Variants in EXOC3L1 observed in about 807,000 individuals in gnomAD.
The protein encoded by EXOC3L1 is exocyst complex component 3-like protein.
A neutral mutation model predicts 83.6 loss-of-function variants in EXOC3L1; 79 were observed. That is an observed-to-expected ratio of 0.95 (90% CI 0.79 to 1.14). The LOEUF is 1.14. EXOC3L1 is among the 50% of genes most tolerant of loss of function. The pLI is 0.00. For synonymous variants in EXOC3L1, 433 were observed against 451.2 expected (o/e 0.96, Z 0.51); for missense variants, 945 against 972.0 (o/e 0.97, Z 0.37).
chr16:67,184,775 C>G lies in EXOC3L1; in HGVS notation c.1941G>C (p.Leu647=). The change falls in exon 13 of 14, where the codon CTG becomes CTC. Residue 647 remains leucine, a synonymous_variant. Transcript: ENST00000314586. ...LEENAHCAPV[L]LALRELLNLR... is the part of the protein sequence containing the mutation. ...GGTTTAGCAGCTCCCTCAGGGCGAG[C>G]AGCACCGGCGCGCAGTGCGCGTTCT... The G allele has an allele frequency of 6.3e-7, 1 of 1,598,782 alleles. No homozygotes were observed. The highest frequency in any genetic ancestry group is 1.1e-5 in the South Asian group (1 of 90,820).
Position 67,186,838 on chromosome 16 carries a change from G to C in EXOC3L1, c.1205C>G (p.Ala402Gly), listed in dbSNP as rs138835488. 1.1e-3 allele frequency: 1,768 copies of C among 1,613,550 alleles called. 1 individual carries two copies. The highest frequency in any genetic ancestry group is 1.4e-3 in the Non-Finnish European group (1,609 of 1,179,980). Reference sequence around the variant, plus strand: ...GGGCCCATGCTCCCGGCCCCACTCAGCTACCTCCCCATCCAGTGCATTCTG... The same window carrying C: ...GGGCCCATGCTCCCGGCCCCACTCACCTACCTCCCCATCCAGTGCATTCTG... The part of the protein sequence containing the change: ...WLQNALDGEV[A>G]EWGREHGPNT... The change falls in exon 7 of 14, where the codon GCT becomes GGT. Residue 402 changes from alanine to glycine, a missense_variant. By Grantham distance (60) the Ala-to-Gly change is moderately conservative (BLOSUM62 0). Transcript: ENST00000314586.
In EXOC3L1 at chr16:67,187,857, G is replaced by T. The variant is rs370940285; in HGVS notation, c.428-20C>A. 364 of 1,555,822 alleles carry T rather than the reference G, an allele frequency of 2.3e-4. No homozygotes were observed. Among genetic ancestry groups the T allele is most frequent in the Middle Eastern group, 1.7e-4 (1 of 5,776 alleles). Reference sequence around the variant, plus strand: ...CCGGCACTAATGAGAGTGAAAAGGAGACGGCCCTGGGTCTCAGCCTTCCCA... The same window carrying T: ...CCGGCACTAATGAGAGTGAAAAGGATACGGCCCTGGGTCTCAGCCTTCCCA... On this transcript the variant is annotated intron_variant, in intron 4 of 13. Coordinates refer to ENST00000314586, the MANE Select transcript of EXOC3L1 (RefSeq NM_178516.4).
In EXOC3L1 at chr16:67,188,784, C is replaced by T; in HGVS notation, c.364G>A (p.Glu122Lys). The change falls in exon 4 of 14, where the codon GAG (glutamate) becomes AAG (lysine). Residue 122 changes from glutamate to lysine, a missense_variant. Glu to Lys is a moderately conservative substitution (Grantham distance 56). Coordinates refer to ENST00000314586, the MANE Select transcript of EXOC3L1 (RefSeq NM_178516.4). ...QALQTLEPLR[E>K]RVAQHKQLQA... The stretch of plus-strand genomic sequence containing the variant: ...AGTTGCTTGTGCTGGGCAACCCGCT[C>T]CCGTAGGGGCTCTAGAGTCTGTAAG... 6.2e-7 allele frequency: 1 copy of T among 1,613,234 alleles called. No homozygotes were observed. The highest frequency in any genetic ancestry group is 8.5e-7 in the Non-Finnish European group (1 of 1,179,974).
At position 67,187,728 on chromosome 16, in the gene EXOC3L1, G is replaced by T; in HGVS notation, c.537C>A (p.Pro179=). 6.2e-7 allele frequency: 1 copy of T among 1,613,042 alleles called. No homozygotes were observed. The highest frequency in any genetic ancestry group is 8.5e-7 in the Non-Finnish European group (1 of 1,180,016). ...LEQLREDTWA[P]LGGLELPVFQ... ...AGACTGGCAACTCCAGGCCCCCCAG[G>T]GGTGCCCACGTATCCTCTCGCAGCT... Residue 179 remains proline (P), a synonymous_variant, in exon 5 of 14, where the codon CCC becomes CCA. Transcript: ENST00000314586.
Position 67,189,029 on chromosome 16 carries a change from C to T in EXOC3L1, c.198G>A (p.Ser66=), listed in dbSNP as rs1271977023. Residue 66 remains serine (S), a synonymous_variant, in exon 3 of 14, where the codon TCG becomes TCA. Coordinates refer to ENST00000314586, the MANE Select transcript of EXOC3L1 (RefSeq NM_178516.4). ...REVQRTCSLE[S]RLKSVMQSYL... ...CCTGCCCCATGCCCACCTTGAGGCG[C>T]GATTCCAGGGAGCAGGTACGCTGCA... 21 of 1,603,918 alleles carry T rather than the reference C, an allele frequency of 1.3e-5. No homozygotes were observed. Among genetic ancestry groups the T allele is most frequent in the African/African-American group, 2.7e-5 (2 of 74,754 alleles).
rs780159172 is a variant in EXOC3L1, at chr16:67,187,224, C to A, written c.1040+1G>T. 8 of 1,609,876 alleles carry A rather than the reference C, an allele frequency of 5.0e-6. No homozygotes were observed. Among genetic ancestry groups the A allele is most frequent in the Admixed American group, 3.3e-5 (2 of 59,966 alleles). ...TGTCCCGCTGCCCCAAAGGCACTGACCCCAGGTACACATGCAGTGCCCAGT... is the reference window on the plus strand; with the variant it reads ...TGTCCCGCTGCCCCAAAGGCACTGAACCCAGGTACACATGCAGTGCCCAGT... On this transcript the variant is annotated splice_donor_variant, in intron 5 of 13. Coordinates refer to ENST00000314586, the MANE Select transcript of EXOC3L1 (RefSeq NM_178516.4). LOFTEE classifies it high-confidence loss of function.
chr16:67,184,760 C>T lies in EXOC3L1; in HGVS notation c.1956G>A (p.Glu652=), dbSNP rs2032635363. 2 of 1,593,808 alleles carry T rather than the reference C, an allele frequency of 1.3e-6. No homozygotes were observed. Among genetic ancestry groups the T allele is most frequent in the Admixed American group, 1.7e-5 (1 of 59,404 alleles). ...HCAPVLLALR[E]LLNLRDPALL... is the part of the protein sequence containing the mutation. ...GCGCGGGGTCGCGGAGGTTTAGCAG[C>T]TCCCTCAGGGCGAGCAGCACCGGCG... Residue 652 remains glutamate (E), a synonymous_variant, in exon 13 of 14, where the codon GAG becomes GAA. Coordinates refer to ENST00000314586, the MANE Select transcript of EXOC3L1 (RefSeq NM_178516.4).
rs528408813 is a variant in EXOC3L1 at position 67,189,109 on chromosome 16, T to C, written c.118A>G (p.Ile40Val). 76 of 1,608,416 alleles carry C rather than the reference T, an allele frequency of 4.7e-5. No individual in the cohort carries two copies. In the African/African-American group the frequency reaches 8.5e-4, roughly 18 times the overall value. The change falls in exon 3 of 14, where the codon ATC becomes GTC. Residue 40 changes from isoleucine (I) to valine (V), a missense_variant. Coordinates refer to ENST00000314586, the MANE Select transcript of EXOC3L1 (RefSeq NM_178516.4). ...RGAALKWASG[I>V]FYRPEQLARL... ...GCCAGCTGCTCCGGCCGGTAGAAGATGCCTGAGGCCCACTTGAGCGCTGCA... is the reference window on the plus strand; with the variant it reads ...GCCAGCTGCTCCGGCCGGTAGAAGACGCCTGAGGCCCACTTGAGCGCTGCA...
Position 67,187,117 on chromosome 16 carries a change from C to A in EXOC3L1, c.1062G>T (p.Leu354=), listed in dbSNP as rs1567684592. ...ACACATCAGCCTCAGGCCCCAACTC[C>A]AGGCTCCCCATCATTTCCTGCCTGG... ...VYLGQEMMGS[L]ELGPEADVSQ... is the part of the protein sequence containing the mutation. Residue 354 remains leucine (L), a synonymous_variant, in exon 6 of 14, where the codon CTG becomes CTT. Coordinates refer to ENST00000314586, the MANE Select transcript of EXOC3L1 (RefSeq NM_178516.4). The A allele has an allele frequency of 6.2e-7, 1 of 1,613,440 alleles. No individual in the cohort carries two copies. Among genetic ancestry groups the A allele is most frequent in the Admixed American group, 1.7e-5 (1 of 60,028 alleles).
chr16:67,185,484 T>C lies in EXOC3L1; in HGVS notation c.1503A>G (p.Ser501=). 1.2e-6 allele frequency: 2 copies of C among 1,607,274 alleles called. No individual in the cohort carries two copies. Among genetic ancestry groups the C allele is most frequent in the Non-Finnish European group, 1.7e-6 (2 of 1,179,928 alleles). The change falls in exon 10 of 14, where the codon TCA becomes TCG. Residue 501 remains serine (S), a synonymous_variant. Coordinates refer to ENST00000314586, the MANE Select transcript of EXOC3L1 (RefSeq NM_178516.4). ...ALNHKSALSS[S]VSVLQLDGAP... Reference sequence around the variant, plus strand: ...CCCCGTCCAGCTGCAGGACAGACACTGAGGAGCTGGACCAAGCAAAACTAC... The same window carrying C: ...CCCCGTCCAGCTGCAGGACAGACACCGAGGAGCTGGACCAAGCAAAACTAC...
rs144995046 is a variant in EXOC3L1 at position 67,188,976 on chromosome 16, C to G, written c.208-36G>C. 3.7e-4 allele frequency: 588 copies of G among 1,607,750 alleles called. 3 individuals are homozygous for G. In the African/African-American group the frequency reaches 5.3e-3, roughly 15 times the overall value. On this transcript the variant is annotated intron_variant, in intron 3 of 13. Transcript: ENST00000314586. The stretch of plus-strand genomic sequence containing the variant: ...ATGGAGCCATGAGGCTGGGCCAGCC[C>G]TGCAGCACAGTCCCAGCACCCGCAC...
In EXOC3L1 at chr16:67,187,249, T is replaced by A. The variant is rs760533434; in HGVS notation, c.1016A>T (p.His339Leu). ...LEAADAFALLHWALHVYLGQE... is the reference protein window; with the variant it reads ...LEAADAFALLLWALHVYLGQE... The stretch of plus-strand genomic sequence containing the variant: ...CCCCAGGTACACATGCAGTGCCCAG[T>A]GCAGCAAGGCGAAGGCATCCGCAGC... Residue 339 changes from histidine to leucine, a missense_variant, in exon 5 of 14, where the codon CAC (histidine) becomes CTC (leucine). His to Leu is a moderately conservative substitution (Grantham distance 99). Coordinates refer to ENST00000314586, the MANE Select transcript of EXOC3L1 (RefSeq NM_178516.4). The A allele has an allele frequency of 5.0e-6, 8 of 1,612,250 alleles. No individual in the cohort carries two copies. In the East Asian group the frequency reaches 1.8e-4, roughly 36 times the overall value.
chr16:67,188,882 G>A lies in EXOC3L1; in HGVS notation c.266C>T (p.Ala89Val), dbSNP rs1282582652. The change falls in exon 4 of 14, where the codon GCC becomes GTC. Residue 89 changes from alanine to valine, a missense_variant. Transcript: ENST00000314586. ...VQTGVWQLAQ[A>V]IEVVQGTREA... ...CCGGGTTCCCTGCACCACCTCAATG[G>A]CCTGGGCCAGCTGCCACACACCAGT... The A allele has an allele frequency of 3.7e-6, 6 of 1,612,944 alleles. No individual in the cohort carries two copies. Among genetic ancestry groups the A allele is most frequent in the Admixed American group, 1.7e-5 (1 of 59,996 alleles).
chr16:67,189,034 C>T lies in EXOC3L1; in HGVS notation c.193G>A (p.Glu65Lys). The T allele has an allele frequency of 1.2e-6, 2 of 1,604,962 alleles. No individual in the cohort carries two copies. The highest frequency in any genetic ancestry group is 2.2e-5 in the South Asian group (2 of 90,724). The stretch of plus-strand genomic sequence containing the variant: ...CCCATGCCCACCTTGAGGCGCGATT[C>T]CAGGGAGCAGGTACGCTGCACCTCG... ...SREVQRTCSL[E>K]SRLKSVMQSY... The change falls in exon 3 of 14, where the codon GAA (glutamate) becomes AAA (lysine). Residue 65 changes from glutamate (E) to lysine (K), a missense_variant. Transcript: ENST00000314586.
rs772863988 is a variant in EXOC3L1, at chr16:67,187,456, C to G, written c.809G>C (p.Gly270Ala). Residue 270 changes from glycine (G) to alanine (A), a missense_variant, in exon 5 of 14, where the codon GGG becomes GCG. Gly to Ala is a moderately conservative substitution (Grantham distance 60). Coordinates refer to ENST00000314586, the MANE Select transcript of EXOC3L1 (RefSeq NM_178516.4). ...AGCCTCCAGCCACCCTGGTAGGGCC[C>G]CTGGTGCAGGCAGCAGAGGTGACCC... is the stretch of plus-strand genomic sequence containing the variant. The part of the protein sequence containing the change: ...HFGSPLLPAP[G>A]ALPGWLEALR... The G allele has an allele frequency of 6.2e-7, 1 of 1,608,956 alleles. No individual in the cohort carries two copies.
intron 4 of EXOC3L1, 149 bp downstream of exon 4, chr16:67,188,572 A>G: frequency 2.8e-6 from 2 of 714,270 alleles, no homozygotes; most frequent in African/African-American, 1.8e-5. Flanking sequence ...GCTGCCTCAT[A>G]GGCCATGGGA....
At position 67,188,793 on chromosome 16, in the gene EXOC3L1, G is replaced by A. The variant is rs751926467; in HGVS notation, c.355C>T (p.Pro119Ser). 3 of 1,613,348 alleles carry A rather than the reference G, an allele frequency of 1.9e-6. No individual in the cohort carries two copies. Among genetic ancestry groups the A allele is most frequent in the Non-Finnish European group, 2.5e-6 (3 of 1,180,020 alleles). Reference protein sequence around the residue: ...GMSQALQTLEPLRERVAQHKQ... With the variant: ...GMSQALQTLESLRERVAQHKQ... ...TGCTGGGCAACCCGCTCCCGTAGGG[G>A]CTCTAGAGTCTGTAAGGCCTGGGAC... is the stretch of plus-strand genomic sequence containing the variant. Residue 119 changes from proline to serine, a missense_variant, in exon 4 of 14, where the codon CCC becomes TCC. By Grantham distance (74) the Pro-to-Ser change is moderately conservative. Transcript: ENST00000314586.
rs1295030940 is a variant in EXOC3L1 at position 67,184,989 on chromosome 16, C to A, written c.1818G>T (p.Leu606=). ...TCCTCTCGTCGGCTCCGCGGCACAC[C>A]AGGCGGCCTTGCATCAGCGCGCTCA... ...QYLSALMQGR[L]VCRGADERTQ... The change falls in exon 12 of 14, where the codon CTG becomes CTT. Residue 606 remains leucine (L), a synonymous_variant. Transcript: ENST00000314586. The A allele has an allele frequency of 1.9e-6, 3 of 1,609,752 alleles. No homozygotes were observed. The African/African-American group carries it at 4.0e-5, about 22-fold the overall frequency.
At position 67,190,090 on chromosome 16, in the gene EXOC3L1, T is replaced by C; in HGVS notation, c.-127A>G. On this transcript the variant is annotated 5_prime_UTR_variant, in exon 1 of 14. Transcript: ENST00000314586. ...CTCACAGGGCCTGGGCAACTCCAGC[T>C]GACTCCAGCGTGCAGCTGAATTCCT... 1 of 172,378 alleles carries C rather than the reference T, an allele frequency of 5.8e-6. No individual in the cohort carries two copies. Among genetic ancestry groups the C allele is most frequent in the South Asian group, 1.6e-4 (1 of 6,372 alleles). The allele number at this position is 172,378 out of a possible 1,614,324, so 10.7% of individuals were successfully genotyped here. A position where few individuals can be genotyped will look rare whatever the true frequency, so the allele number is the denominator to read the frequency against.
Sources: allele counts gnomAD v4.1 joint callset, GRCh38; gene constraint gnomAD v4.1.1; transcripts MANE v1.5; gene names NCBI Gene and HGNC (gene_info 2026-07-23, HGNC 2026-07-21).